The following PPIC variants were observed in gnomAD, a reference collection of about 807,000 sequenced individuals.
The protein encoded by PPIC is peptidyl-prolyl cis-trans isomerase C.
A neutral mutation model predicts 19.5 loss-of-function variants in PPIC; 19 were observed. That is an observed-to-expected ratio of 0.98 (90% confidence interval 0.68 to 1.43). The LOEUF is 1.43. Among genes scored for constraint, PPIC ranks in the 40% most tolerant of loss-of-function variants. The pLI is 0.00. For missense variants in PPIC, 268 were observed against 268.6 expected, an observed-to-expected ratio of 1.00 and a Z score of 0.02; for synonymous variants, 107 against 101.2, an observed-to-expected ratio of 1.06 and a Z score of -0.34.
Position 123,023,772 on chromosome 5 carries a change from TAAAA to T in PPIC, c.*99_*102del. On this transcript the variant is annotated 3_prime_UTR_variant, in exon 5 of 5. Transcript: ENST00000306442. ...TCTGGGATAGAATACAAAAAGAAAG[TAAAA>T]AAAAAAAAGCAAATAATTGAAAGAC... 1 of 1,015,756 alleles carries T rather than the reference TAAAA, an allele frequency of 9.8e-7. No individual in the cohort carries two copies. Among genetic ancestry groups the T allele is most frequent in the Non-Finnish European group, 1.3e-6 (1 of 775,174 alleles). The allele number at this position is 1,015,756 out of a possible 1,614,324, so 62.9% of individuals were successfully genotyped here. A position where few individuals can be genotyped will look rare whatever the true frequency, so the allele number is the denominator to read the frequency against.
At position 123,023,708 on chromosome 5, in the gene PPIC, C is replaced by G; in HGVS notation, c.*167G>C. On this transcript the variant is annotated 3_prime_UTR_variant, in exon 5 of 5. Coordinates refer to ENST00000306442, the MANE Select transcript of PPIC (RefSeq NM_000943.5). ...GGTGGTTTACTAAAGTTCAAGCAAA[C>G]TAAAGGGTGACGGTTTGATTTTTAT... 1 of 1,117,606 alleles carries G rather than the reference C, an allele frequency of 8.9e-7. No individual in the cohort carries two copies. Among genetic ancestry groups the G allele is most frequent in the Non-Finnish European group, 1.2e-6 (1 of 862,896 alleles). 69.2% of individuals were successfully genotyped at this position (1,117,606 alleles called of 1,614,324 possible).
intron 4 of PPIC, among the ~76,000 whole-genome samples, chr5:123,025,322 C>T (rs45515100): frequency 0.037 from 5,618 of 152,238 alleles, 165 homozygotes; most frequent in Admixed American, 0.054. Context: ...CCATCCCCAG[C>T]CCCTGGCAAC....
In PPIC at chr5:123,036,303, G is replaced by GCCCAGCT; in HGVS notation, c.117+199_117+205dup. On this transcript the variant is annotated intron_variant, in intron 1 of 4. Coordinates refer to ENST00000306442, the MANE Select transcript of PPIC (RefSeq NM_000943.5). This position sits in a 1 kb window ranked among gnomAD's most constrained non-coding sequence, Gnocchi z 4.5. ...CTGCGGCGGAGGTAGGCTGGCCTCA[G>GCCCAGCT]CCCAGCTCCCCCAGGGTCTCCCCCG... 3.4e-6 allele frequency: 2 copies of GCCCAGCT among 584,494 alleles called. No homozygotes were observed. The highest frequency in any genetic ancestry group is 5.9e-5 in the East Asian group (2 of 34,068). 36.2% of individuals were successfully genotyped at this position (584,494 alleles called of 1,614,324 possible).
In PPIC at chr5:123,023,771, G is replaced by GT; in HGVS notation, c.*103dup. 1.5e-6 allele frequency: 2 copies of GT among 1,320,548 alleles called. No individual in the cohort carries two copies. The highest frequency in any genetic ancestry group is 1.7e-5 in the African/African-American group (1 of 59,088). The allele number at this position is 1,320,548 out of a possible 1,614,324, so 81.8% of individuals were successfully genotyped here. A position where few individuals can be genotyped will look rare whatever the true frequency, so the allele number is the denominator to read the frequency against. ...ATCTGGGATAGAATACAAAAAGAAA[G>GT]TAAAAAAAAAAAAGCAAATAATTGA... On this transcript the variant is annotated 3_prime_UTR_variant, in exon 5 of 5. Transcript: ENST00000306442.
At chr5:123,028,436 C>G in intron 3 of PPIC, 1 of 198,046 alleles carries the variant, frequency 5.0e-6, no homozygotes, top group South Asian at 1.8e-4. Context: ...CCCAGGGGAA[C>G]GCAGCTTCAT....
chr5:123,030,404 G>C (rs1274240517), intron 1 of PPIC, among the ~76,000 whole-genome samples: 1 of 152,170 alleles, frequency 6.6e-6, no homozygotes, highest in East Asian at 1.9e-4. Flanking sequence ...CCAATTTACT[G>C]TTTGAATGGG....
In PPIC at chr5:123,036,311, C is replaced by A; in HGVS notation, c.117+198G>T. 1 of 593,806 alleles carries A rather than the reference C, an allele frequency of 1.7e-6. No individual in the cohort carries two copies. The highest frequency in any genetic ancestry group is 1.9e-5 in the African/African-American group (1 of 52,326). 36.8% of individuals were successfully genotyped at this position (593,806 alleles called of 1,614,324 possible). On this transcript the variant is annotated intron_variant, in intron 1 of 4. Coordinates refer to ENST00000306442, the MANE Select transcript of PPIC (RefSeq NM_000943.5). This position sits in a 1 kb window ranked among gnomAD's most constrained non-coding sequence, Gnocchi z 4.5. ...GAGGTAGGCTGGCCTCAGCCCAGCT[C>A]CCCCAGGGTCTCCCCCGGAGCGCCG...
At chr5:123,031,204 ATG>A (rs1458928568) in intron 1 of PPIC, among the ~76,000 whole-genome samples, 1 of 152,246 alleles carries the variant, frequency 6.6e-6, no homozygotes, top group Non-Finnish European at 1.5e-5. Flanking sequence ...ATGCAAGGTT[ATG>A]TAAAAGGCAA....
chr5:123,035,216 G>T (rs989452670), intron 1 of PPIC, among the ~76,000 whole-genome samples: 3 of 152,060 alleles, frequency 2.0e-5, no homozygotes, highest in African/African-American at 7.2e-5. Context: ...CTCTGCGCTG[G>T]TTTTTCTCAT....
intron 4 of PPIC, among the ~76,000 whole-genome samples, chr5:123,025,222 A>G (rs1157513480): frequency 2.0e-5 from 3 of 152,184 alleles, no homozygotes; most frequent in Admixed American, 2.0e-4. Flanking sequence ...GGTGTTGAGT[A>G]TATTTACATT....
In PPIC at chr5:123,036,299, C is replaced by T. The variant is rs1481717098; in HGVS notation, c.117+210G>A. On this transcript the variant is annotated intron_variant, in intron 1 of 4. Coordinates refer to ENST00000306442, the MANE Select transcript of PPIC (RefSeq NM_000943.5). This position sits in a 1 kb window ranked among gnomAD's most constrained non-coding sequence, Gnocchi z 4.5. ...CAGACTGCGGCGGAGGTAGGCTGGCCTCAGCCCAGCTCCCCCAGGGTCTCC... is the reference window on the plus strand; with the variant it reads ...CAGACTGCGGCGGAGGTAGGCTGGCTTCAGCCCAGCTCCCCCAGGGTCTCC... The T allele has an allele frequency of 1.0e-5, 6 of 579,090 alleles. No homozygotes were observed. Among genetic ancestry groups the T allele is most frequent in the Non-Finnish European group, 1.8e-5 (6 of 326,718 alleles). 35.9% of individuals were successfully genotyped at this position (579,090 alleles called of 1,614,324 possible).
chr5:123,036,469 C>T lies in PPIC; in HGVS notation c.117+40G>A, dbSNP rs1244042314. ...TATCCAAAGCGCCCCCAGGGCCCCG[C>T]CCGCAACAGGGGAAGTTGCAGCCCG... On this transcript the variant is annotated intron_variant, in intron 1 of 4. Transcript: ENST00000306442. This position sits in a 1 kb window ranked among gnomAD's most constrained non-coding sequence, Gnocchi z 4.5. The T allele has an allele frequency of 4.5e-6, 7 of 1,560,932 alleles. No individual in the cohort carries two copies. The South Asian group carries it at 5.7e-5, about 13-fold the overall frequency.
intron 1 of PPIC, among the ~76,000 whole-genome samples, chr5:123,034,367 A>C (rs890246418): frequency 6.6e-6 from 1 of 152,198 alleles, no homozygotes; most frequent in Non-Finnish European, 1.5e-5. Context: ...AGTAGGGTGC[A>C]TGCAAACTCT....
chr5:123,034,573 G>A (rs911777404), intron 1 of PPIC, among the ~76,000 whole-genome samples: 11 of 152,168 alleles, frequency 7.2e-5, no homozygotes, highest in Admixed American at 3.3e-4. Flanking sequence ...GACTTGCTCT[G>A]GGGTGGGTCA....
Position 123,023,752 on chromosome 5 carries a change from G to GTT in PPIC, c.*122_*123insAA. On this transcript the variant is annotated 3_prime_UTR_variant, in exon 5 of 5. Coordinates refer to ENST00000306442, the MANE Select transcript of PPIC (RefSeq NM_000943.5). ...TTTTTATAACTTTCCTGTGATCTGG[G>GTT]ATAGAATACAAAAAGAAAGTAAAAA... 7.3e-7 allele frequency: 1 copy of GTT among 1,368,066 alleles called. No homozygotes were observed. Among genetic ancestry groups the GTT allele is most frequent in the Non-Finnish European group, 9.6e-7 (1 of 1,041,404 alleles). 84.7% of individuals were successfully genotyped at this position (1,368,066 alleles called of 1,614,324 possible).
At position 123,025,952 on chromosome 5, in the gene PPIC, A is replaced by G. The variant is rs1269758049; in HGVS notation, c.342T>C (p.Gly114=). ...GDGTGGVSIY[G]ETFPDENFKL... ...TGAAGTTCTCATCTGGAAATGTCTCACCATAGATGCTCACACCTGAGACAA... is the reference window on the plus strand; with the variant it reads ...TGAAGTTCTCATCTGGAAATGTCTCGCCATAGATGCTCACACCTGAGACAA... The change falls in exon 4 of 5, where the codon GGT becomes GGC. Residue 114 remains glycine (G), a synonymous_variant. Transcript: ENST00000306442. 1 of 1,601,718 alleles carries G rather than the reference A, an allele frequency of 6.2e-7. No homozygotes were observed. Among genetic ancestry groups the G allele is most frequent in the East Asian group, 2.2e-5 (1 of 44,748 alleles).
chr5:123,036,176 C>A lies in PPIC; in HGVS notation c.117+333G>T. 2.9e-6 allele frequency: 1 copy of A among 339,048 alleles called. No individual in the cohort carries two copies. Among genetic ancestry groups the A allele is most frequent in the Non-Finnish European group, 5.5e-6 (1 of 182,018 alleles). The allele number at this position is 339,048 out of a possible 1,614,324, so 21.0% of individuals were successfully genotyped here. A position where few individuals can be genotyped will look rare whatever the true frequency, so the allele number is the denominator to read the frequency against. On this transcript the variant is annotated intron_variant, in intron 1 of 4. Coordinates refer to ENST00000306442, the MANE Select transcript of PPIC (RefSeq NM_000943.5). This position sits in a 1 kb window ranked among gnomAD's most constrained non-coding sequence, Gnocchi z 4.5. Reference sequence around the variant, plus strand: ...GGCCACGCTGAAGGAAGTACTTGGGCAGTCTCTTTCCTGGAGAACGGGCCC... The same window carrying A: ...GGCCACGCTGAAGGAAGTACTTGGGAAGTCTCTTTCCTGGAGAACGGGCCC...
intron 1 of PPIC, among the ~76,000 whole-genome samples, chr5:123,030,711 T>C (rs1396745328): frequency 1.3e-5 from 2 of 152,202 alleles, no homozygotes; most frequent in East Asian, 1.9e-4. Context: ...CAATTCAGCA[T>C]GGCTTGGGAT....
At chr5:123,031,686 G>A (rs923382624) in intron 1 of PPIC, among the ~76,000 whole-genome samples, 9 of 152,280 alleles carry the variant, frequency 5.9e-5, no homozygotes, top group African/African-American at 1.9e-4. Flanking sequence ...TTACTCAAAC[G>A]GAGAGAAAGA....
Sources: allele counts gnomAD v4.1 joint callset (sites outside exome capture counted in the v4.1 genomes callset), GRCh38; gene constraint gnomAD v4.1.1; non-coding constraint Gnocchi (gnomAD v3.1); transcripts MANE v1.5; gene names NCBI Gene and HGNC (gene_info 2026-07-23, HGNC 2026-07-21).